Variants in ZDHHC11B observed in about 807,000 individuals in gnomAD.
ZDHHC11B encodes the protein probable palmitoyltransferase ZDHHC11B.
ZDHHC11B carries 17 observed loss-of-function variants against 42.3 expected under a neutral mutation model. That is an observed-to-expected ratio of 0.40 (90% confidence interval 0.27 to 0.60). The LOEUF (loss-of-function observed/expected upper bound fraction) is 0.60, where lower values mean the gene tolerates loss of function less well. Among genes scored for constraint, ZDHHC11B ranks in the 20% least tolerant of loss-of-function variants. The pLI, the probability that ZDHHC11B is intolerant of heterozygous loss-of-function variation, is 0.41. For missense variants in ZDHHC11B, 262 were observed against 463.2 expected, an observed-to-expected ratio of 0.57 and a Z score of 3.99; for synonymous variants, 123 against 193.5, an observed-to-expected ratio of 0.64 and a Z score of 3.02.
chr5:774,390 G>A (rs1168684988), intron 1 of ZDHHC11B, among the ~76,000 whole-genome samples: 9 of 152,192 alleles, frequency 5.9e-5, no homozygotes, highest in African/African-American at 7.2e-5. Context: ...AGGACTGACC[G>A]GGCTCTGTCA....
chr5:721,540 A>G (rs769157287), intron 12 of ZDHHC11B, among the ~76,000 whole-genome samples: 80 of 151,436 alleles, frequency 5.3e-4, no homozygotes, highest in Non-Finnish European at 1.0e-3. Flanking sequence ...GGAGGGTCCC[A>G]GGGGCAAGGG....
At chr5:778,041 C>T (rs1158093496) in intron 1 of ZDHHC11B, among the ~76,000 whole-genome samples, 1 of 151,930 alleles carries the variant, frequency 6.6e-6, no homozygotes, top group Middle Eastern at 3.2e-3. Context: ...GGACCCGGCG[C>T]ACCTCCGCAG....
chr5:776,531 G>A (rs1236072017), intron 1 of ZDHHC11B, among the ~76,000 whole-genome samples: 1 of 151,920 alleles, frequency 6.6e-6, no homozygotes, highest in East Asian at 1.9e-4. Context: ...CACGCAGTGT[G>A]CTCCTGGCCT....
rs796180247 is a variant in ZDHHC11B, at chr5:767,360, G to C, written c.-1+32C>G. The C allele has an allele frequency of 2.9e-5, 46 of 1,569,128 alleles. 3 individuals carry two copies. The African/African-American group carries it at 5.1e-4, about 17-fold the overall frequency. ...ACCAGGGCGCAGCTGAAGCTGGACA[G>C]CAGCCAAGGGCTCCCCGGGGCCAAC... On this transcript the variant is annotated intron_variant, in intron 3 of 13. Transcript: ENST00000508859.
intron 1 of ZDHHC11B, among the ~76,000 whole-genome samples, chr5:771,972 GCACGTGCTTTGCATGAGGTTTTGA>G (rs1736097835): frequency 2.6e-5 from 4 of 151,648 alleles, no homozygotes; most frequent in Admixed American, 1.3e-4. Flanking sequence ...CAGCCCATCA[GCACGTGCTTTGCATGAGGTTTTGA>G]TAAGCTTGGA....
intron 1 of ZDHHC11B, among the ~76,000 whole-genome samples, chr5:781,020 G>C (rs1407466091): frequency 6.8e-6 from 1 of 147,376 alleles, no homozygotes; most frequent in Non-Finnish European, 1.5e-5. Flanking sequence ...CAGGTCCCCG[G>C]GGCTGGCTGG....
chr5:766,127 A>G (rs565393603), intron 4 of ZDHHC11B, among the ~76,000 whole-genome samples: 3 of 151,948 alleles, frequency 2.0e-5, no homozygotes, highest in East Asian at 3.9e-4. Context: ...TGCCCCATGG[A>G]CATGCACCCT....
In ZDHHC11B at chr5:772,979, C is replaced by T. The variant is rs184206529; in HGVS notation, c.-229-4049G>A. On this transcript the variant is annotated intron_variant, in intron 1 of 13. Transcript: ENST00000508859. ...ACAGAATGAATTAGGCACGATGTGC[C>T]GCTGTGGGAAGACAGCCAGGCTGCT... 1.2e-3 allele frequency among the ~76,000 whole-genome samples: 182 copies of T among 151,920 alleles called. 3 individuals are homozygous for T. Among genetic ancestry groups the T allele is most frequent in the African/African-American group, 4.2e-3 (172 of 41,372 alleles).
At position 739,158 on chromosome 5, in the gene ZDHHC11B, A is replaced by G. The variant is rs186866990; in HGVS notation, c.935+2436T>C. Among the ~76,000 whole-genome samples, 935 of 150,482 alleles carry G rather than the reference A, an allele frequency of 6.2e-3. 23 individuals are homozygous for G. The highest frequency in any genetic ancestry group is 0.011 in the Admixed American group (173 of 15,148). ...TCATGTCTGTAATCCCAGTCCTTACAGAGGCTGGGGCAGGCAGATCACTTG... is the reference window on the plus strand; with the variant it reads ...TCATGTCTGTAATCCCAGTCCTTACGGAGGCTGGGGCAGGCAGATCACTTG... On this transcript the variant is annotated intron_variant, in intron 10 of 13. Transcript: ENST00000508859.
chr5:759,930 G>T (rs1453047518), intron 4 of ZDHHC11B, among the ~76,000 whole-genome samples: 1 of 151,868 alleles, frequency 6.6e-6, no homozygotes, highest in Non-Finnish European at 1.5e-5. Flanking sequence ...GGCCCGAGGG[G>T]GTCGCTGAGG....
At chr5:776,472 G>A (rs1426909443) in intron 1 of ZDHHC11B, among the ~76,000 whole-genome samples, 1 of 151,886 alleles carries the variant, frequency 6.6e-6, no homozygotes, top group East Asian at 1.9e-4. Flanking sequence ...TAGGCCCCTG[G>A]CCAGCAGGGC....
intron 12 of ZDHHC11B, among the ~76,000 whole-genome samples, chr5:727,918 T>C (rs1189095340): frequency 6.6e-6 from 1 of 151,870 alleles, no homozygotes; most frequent in African/African-American, 2.4e-5. Context: ...ACAGGAACAT[T>C]TGACAACTGA....
intron 13 of ZDHHC11B, among the ~76,000 whole-genome samples, chr5:716,423 C>T (rs1300549372): frequency 1.3e-5 from 2 of 151,814 alleles, no homozygotes; most frequent in Non-Finnish European, 1.5e-5. Flanking sequence ...TAGGTAGGAT[C>T]AGAGGCATCT....
chr5:776,024 C>A (rs759187651), intron 1 of ZDHHC11B, among the ~76,000 whole-genome samples: 1 of 149,420 alleles, frequency 6.7e-6, no homozygotes, highest in East Asian at 1.9e-4. Flanking sequence ...CCCTGGCCTC[C>A]GCAGGCTCAG....
chr5:729,939 C>T (rs1307738801), intron 12 of ZDHHC11B, among the ~76,000 whole-genome samples: 1 of 150,290 alleles, frequency 6.7e-6, no homozygotes, highest in African/African-American at 2.4e-5. Context: ...AACAGGGTAC[C>T]CTTTAGAATG....
chr5:765,551 G>A (rs1265053738), intron 4 of ZDHHC11B, among the ~76,000 whole-genome samples: 9 of 152,028 alleles, frequency 5.9e-5, no homozygotes, highest in African/African-American at 1.9e-4. Flanking sequence ...ATGTGGGTGG[G>A]GCCAGATAAG....
At position 745,884 on chromosome 5, in the gene ZDHHC11B, C is replaced by T. The variant is rs1405386221; in HGVS notation, c.785-586G>A. On this transcript the variant is annotated intron_variant, in intron 8 of 13. Transcript: ENST00000508859. ...ACACTCCTGAGCGTGCTGAGAGCCC[C>T]AGGCCCAGGAGGTGAACACGAGTGC... Among the ~76,000 whole-genome samples, 3 of 149,670 alleles carry T rather than the reference C, an allele frequency of 2.0e-5. 1 individual carries two copies. In the East Asian group the frequency reaches 6.2e-4, roughly 31 times the overall value.
intron 6 of ZDHHC11B, among the ~76,000 whole-genome samples, chr5:752,790 T>C (rs113494514): frequency 0.13 from 12,746 of 96,250 alleles, 1,228 homozygotes; most frequent in African/African-American, 0.36. Context: ...CTCCAGGCAG[T>C]GGACACGCCC....
At position 773,502 on chromosome 5, in the gene ZDHHC11B, C is replaced by T. The variant is rs146592619; in HGVS notation, c.-229-4572G>A. Among the ~76,000 whole-genome samples the T allele has an allele frequency of 8.5e-3, 1,284 of 151,714 alleles. 39 individuals carry two copies. Among genetic ancestry groups the T allele is most frequent in the African/African-American group, 0.029 (1,194 of 41,214 alleles). On this transcript the variant is annotated intron_variant, in intron 1 of 13. Coordinates refer to ENST00000508859, the MANE Select transcript of ZDHHC11B (RefSeq NM_001351303.2). ...CAGGGGGTCGCTCTTCACTCCCAGA[C>T]CTGTGCCCACCATCCCACATGTGCC... is the stretch of plus-strand genomic sequence containing the variant.
Sources: gnomAD v4.1 joint callset for allele counts (sites outside exome capture counted in the v4.1 genomes callset) on GRCh38, gnomAD v4.1.1 for gene constraint, MANE v1.5 for transcripts, NCBI Gene and HGNC (gene_info 2026-07-23, HGNC 2026-07-21) for gene names.